GRID2: variants seen among roughly 807,000 people sequenced by gnomAD.
GRID2 encodes the protein glutamate ionotropic receptor delta type subunit 2.
In GRID2, 33 loss-of-function variants were observed where a neutral mutation model predicts 114.8. That is an observed-to-expected ratio of 0.29 (90% CI 0.22 to 0.38). The LOEUF is 0.38. Ranked by LOEUF, GRID2 falls within the 10% of genes least tolerant of loss-of-function variation. The pLI is 1.00. For missense variants in GRID2, 1,184 were observed against 1,257.7 expected, an observed-to-expected ratio of 0.94 and a Z score of 0.89; for synonymous variants, 505 against 449.9, an observed-to-expected ratio of 1.12 and a Z score of -1.55.
intron 2 of GRID2, among the ~76,000 whole-genome samples, chr4:92,704,099 A>G (rs1579876582): frequency 6.6e-6 from 1 of 151,906 alleles, no homozygotes; most frequent in Non-Finnish European, 1.5e-5. Flanking sequence ...ACACGGTAAA[A>G]CCCCGTCTCT....
chr4:92,633,239 T>C (rs1314853347), intron 2 of GRID2, among the ~76,000 whole-genome samples: 3 of 152,146 alleles, frequency 2.0e-5, no homozygotes, highest in East Asian at 3.9e-4. Flanking sequence ...ACACAGTATA[T>C]TGAGTATGCA....
chr4:92,464,495 A>C (rs532229374), intron 1 of GRID2, among the ~76,000 whole-genome samples: 1 of 152,244 alleles, frequency 6.6e-6, no homozygotes, highest in African/African-American at 2.4e-5. Context: ...TATTAGGCCA[A>C]TATATGTTAA....
intron 2 of GRID2, among the ~76,000 whole-genome samples, chr4:92,755,871 T>C (rs984516482): frequency 6.6e-5 from 10 of 152,212 alleles, no homozygotes; most frequent in Non-Finnish European, 1.5e-5. Context: ...ATCTGTGGGA[T>C]ACATTTTGTT....
intron 14 of GRID2, among the ~76,000 whole-genome samples, chr4:93,637,368 C>T (rs1377339718): frequency 1.3e-5 from 2 of 152,022 alleles, no homozygotes; most frequent in African/African-American, 4.8e-5. Context: ...TTGAAATTTT[C>T]CAAAATCCTA....
intron 8 of GRID2, among the ~76,000 whole-genome samples, chr4:93,388,925 A>G (rs1307811311): frequency 1.3e-5 from 2 of 152,180 alleles, no homozygotes. Flanking sequence ...TCTTAGAGAT[A>G]TCTGAGCTCC....
chr4:92,384,528 A>ATATAATATAATATATAATATATATT, intron 1 of GRID2, among the ~76,000 whole-genome samples: 1 of 35,384 alleles, frequency 2.8e-5, no homozygotes, highest in South Asian at 7.7e-4. Flanking sequence ...TATATAATAT[A>ATATAATATAATATATAATATATATT]ATATATAATA....
chr4:93,693,999 T>G (rs17021009), intron 14 of GRID2, among the ~76,000 whole-genome samples: 6,247 of 152,130 alleles, frequency 0.041, 197 homozygotes, highest in African/African-American at 0.081. Context: ...GGCTGGATAT[T>G]CCCTAAGAGA....
intron 8 of GRID2, among the ~76,000 whole-genome samples, chr4:93,311,661 GTTA>G (rs979902817): frequency 5.9e-5 from 9 of 152,132 alleles, no homozygotes; most frequent in African/African-American, 2.2e-4. Context: ...CATTTAACAG[GTTA>G]TTGTTGGCAG....
chr4:93,122,819 TGA>T (rs943271601), intron 4 of GRID2, among the ~76,000 whole-genome samples: 1 of 151,944 alleles, frequency 6.6e-6, no homozygotes, highest in African/African-American at 2.4e-5. Context: ...CTCTCAAATC[TGA>T]GTTTTAACTT....
chr4:92,332,110 A>G (rs541414907), intron 1 of GRID2, among the ~76,000 whole-genome samples: 25 of 152,280 alleles, frequency 1.6e-4, no homozygotes, highest in Admixed American at 1.4e-3. Context: ...CAGTGATAGT[A>G]CTTTTCTCAG....
At chr4:92,331,273 TATGTG>T (rs1726874538) in intron 1 of GRID2, among the ~76,000 whole-genome samples, 1 of 152,186 alleles carries the variant, frequency 6.6e-6, no homozygotes, top group Non-Finnish European at 1.5e-5. Context: ...CAAGAGAAAC[TATGTG>T]CTAACCACAA....
At chr4:93,004,306 A>G (rs1022975900) in intron 2 of GRID2, among the ~76,000 whole-genome samples, 3 of 151,914 alleles carry the variant, frequency 2.0e-5, no homozygotes, top group Middle Eastern at 3.4e-3. Context: ...CAACGTGCCT[A>G]TAGTTTCTTA....
chr4:93,738,762 G>A (rs1342922102), intron 14 of GRID2, among the ~76,000 whole-genome samples: 1 of 152,008 alleles, frequency 6.6e-6, no homozygotes, highest in Non-Finnish European at 1.5e-5. Flanking sequence ...AAGTAATCTG[G>A]ACAGGTAACA....
chr4:92,646,888 CTTTTTTTTTTT>C (rs33921659), intron 2 of GRID2, among the ~76,000 whole-genome samples: 38 of 56,158 alleles, frequency 6.8e-4, no homozygotes, highest in African/African-American at 1.2e-3. Context: ...TCTTTGAATT[CTTTTTTTTTTT>C]TTTTTTTTTT....
At chr4:93,106,228 A>G (rs1472089202) in intron 3 of GRID2, among the ~76,000 whole-genome samples, 1 of 152,238 alleles carries the variant, frequency 6.6e-6, no homozygotes, top group Non-Finnish European at 1.5e-5. Flanking sequence ...TTTATTTTGG[A>G]AACACAGATA....
At chr4:92,939,792 A>T (rs1387145445) in intron 2 of GRID2, among the ~76,000 whole-genome samples, 1 of 147,412 alleles carries the variant, frequency 6.8e-6, no homozygotes, top group Non-Finnish European at 1.5e-5. Context: ...ATGGCTAGCC[A>T]GTTTTCCCAG....
intron 13 of GRID2, among the ~76,000 whole-genome samples, chr4:93,614,347 T>G (rs1166445290): frequency 6.6e-6 from 1 of 152,190 alleles, no homozygotes. Context: ...CCCTGAAAAT[T>G]ATTATTTAGA....
chr4:93,291,467 C>T (rs978746238), intron 8 of GRID2, among the ~76,000 whole-genome samples: 4 of 152,092 alleles, frequency 2.6e-5, no homozygotes, highest in Middle Eastern at 3.2e-3. Context: ...CAGTGTCTGA[C>T]GTATAGTAAA....
chr4:92,348,671 A>G (rs1727906824), intron 1 of GRID2, among the ~76,000 whole-genome samples: 1 of 152,312 alleles, frequency 6.6e-6, no homozygotes, highest in African/African-American at 2.4e-5. Flanking sequence ...ATGCATTGCA[A>G]AGGATCTTTC....
Sources: gnomAD v4.1 joint callset for allele counts (sites outside exome capture counted in the v4.1 genomes callset) on GRCh38, gnomAD v4.1.1 for gene constraint, MANE v1.5 for transcripts, NCBI Gene and HGNC (gene_info 2026-07-23, HGNC 2026-07-21) for gene names.